Variants in USH1C observed in about 807,000 individuals in gnomAD.
USH1C encodes USH1 protein network component harmonin, also known as harmonin.
Under a neutral mutation model 119.3 loss-of-function variants are expected in USH1C, and 90 were observed. The ratio of observed to expected loss-of-function variants is 0.75; its 90% CI spans 0.64 to 0.90. The LOEUF (loss-of-function observed/expected upper bound fraction) is 0.90, where lower values mean the gene tolerates loss of function less well. USH1C is among the 40% of genes least tolerant of loss of function. The pLI is 0.00. For synonymous variants in USH1C, 465 were observed against 443.3 expected, an observed-to-expected ratio of 1.05 and a Z score of -0.62; for missense variants, 1,165 against 1,167.7, an observed-to-expected ratio of 1.00 and a Z score of 0.03.
intron 1 of USH1C, among the ~76,000 whole-genome samples, chr11:17,537,375 C>A (rs1211205841): frequency 6.6e-6 from 1 of 152,178 alleles, no homozygotes; most frequent in Admixed American, 6.5e-5. Context: ...CTCCTTTCTT[C>A]CCTTCCTTCC....
chr11:17,505,192 A>G (rs898481736), intron 19 of USH1C, among the ~76,000 whole-genome samples: 1 of 152,208 alleles, frequency 6.6e-6, no homozygotes, highest in Non-Finnish European at 1.5e-5. Flanking sequence ...CCAGGACCAC[A>G]CCTCAGACTT....
chr11:17,544,162 C>A, intron 1 of USH1C, 110 bp downstream of exon 1: 1 of 1,432,170 alleles, frequency 7.0e-7, no homozygotes, highest in Non-Finnish European at 9.8e-7. Context: ...CCAACCAGAG[C>A]CATCAGGTGG....
chr11:17,529,906 G>C (rs768531792), intron 4 of USH1C, among the ~76,000 whole-genome samples: 39 of 152,342 alleles, frequency 2.6e-4, no homozygotes, highest in Non-Finnish European at 4.4e-4. Flanking sequence ...TGTCCTAAGA[G>C]AGCTCGCCCT....
chr11:17,525,983 T>C (rs1850650436), intron 8 of USH1C, among the ~76,000 whole-genome samples: 2 of 152,170 alleles, frequency 1.3e-5, no homozygotes, highest in African/African-American at 4.8e-5. Flanking sequence ...GGAGGATCAC[T>C]TGAGCCCAGG....
At chr11:17,516,718 G>C in intron 14 of USH1C, 1 of 307,676 alleles carries the variant, frequency 3.3e-6, no homozygotes, top group East Asian at 8.0e-5. Context: ...ACAAAAGGGA[G>C]CCTGGGTGTC....
rs1456998238 is a variant in USH1C at position 17,498,156 on chromosome 11, T to G, written c.2490+6A>C. The G allele has an allele frequency of 5.6e-6, 9 of 1,613,644 alleles. No homozygotes were observed. The highest frequency in any genetic ancestry group is 6.8e-6 in the Non-Finnish European group (8 of 1,179,690). ...GGAGGAAAGGAGGGAGGGGCCTTAT[T>G]CTTACCCCGCCCTGATTCCAGGCCT... On this transcript the variant is annotated splice_donor_region_variant and intron_variant, in intron 24 of 26. Coordinates refer to ENST00000005226, the MANE Select transcript of USH1C (RefSeq NM_153676.4).
At chr11:17,523,027 T>C in intron 11 of USH1C, 101 bp from the exon 12 acceptor site, 1 of 1,590,670 alleles carries the variant, frequency 6.3e-7, no homozygotes, top group East Asian at 2.2e-5. Flanking sequence ...CTCAGCACCA[T>C]CAGGCACTGC....
chr11:17,516,235 TC>T lies in USH1C; in HGVS notation c.1260+5del. 1 of 1,613,740 alleles carries T rather than the reference TC, an allele frequency of 6.2e-7. No individual in the cohort carries two copies. The highest frequency in any genetic ancestry group is 8.5e-7 in the Non-Finnish European group (1 of 1,179,914). ...CACACCAGCACAGCACCCAACCCTGTCCTACCTTCCGGATGGTTGGGAATTT... is the reference window on the plus strand; with the variant it reads ...CACACCAGCACAGCACCCAACCCTGTCTACCTTCCGGATGGTTGGGAATTT... On this transcript the variant is annotated splice_donor_5th_base_variant and intron_variant, in intron 15 of 26. Transcript: ENST00000005226.
intron 1 of USH1C, among the ~76,000 whole-genome samples, chr11:17,538,000 TG>T (rs111938463): frequency 0.024 from 3,654 of 152,312 alleles, 144 homozygotes; most frequent in African/African-American, 0.083. Flanking sequence ...ATAACTCCTT[TG>T]TTGTCCACTT....
At chr11:17,518,659 A>T (rs1219305903) in intron 14 of USH1C, among the ~76,000 whole-genome samples, 1 of 152,224 alleles carries the variant, frequency 6.6e-6, no homozygotes, top group Non-Finnish European at 1.5e-5. Flanking sequence ...AGTCCCAGGC[A>T]CATAATTAGG....
At chr11:17,495,526 C>A in intron 26 of USH1C, 43 bp downstream of exon 26, 1 of 1,588,576 alleles carries the variant, frequency 6.3e-7, no homozygotes, top group Non-Finnish European at 8.6e-7. Flanking sequence ...CCACTGCAAG[C>A]AGCAGGGACA....
Position 17,526,452 on chromosome 11 carries a change from G to A in USH1C, c.580-11C>T. ...GCTGCCTCGCACGCCCTGAAAGAGA[G>A]ATAGAAGCAGAATCACGGAGTGTCC... On this transcript the variant is annotated splice_polypyrimidine_tract_variant and intron_variant, in intron 7 of 26. Coordinates refer to ENST00000005226, the MANE Select transcript of USH1C (RefSeq NM_153676.4). The A allele has an allele frequency of 4.3e-6, 7 of 1,612,394 alleles. No homozygotes were observed. Among genetic ancestry groups the A allele is most frequent in the Non-Finnish European group, 5.9e-6 (7 of 1,178,782 alleles).
rs1344670523 is a variant in USH1C, at chr11:17,511,900, A to G, written c.1413+2T>C. On this transcript the variant is annotated splice_donor_variant, in intron 16 of 26. Transcript: ENST00000005226. LOFTEE classifies it high-confidence loss of function. ...TGCCTGGCCTGCAGGCAGGACACATACCTCCTGGGCCAGCCGGTTGATCTT... is the reference window on the plus strand; with the variant it reads ...TGCCTGGCCTGCAGGCAGGACACATGCCTCCTGGGCCAGCCGGTTGATCTT... The G allele has an allele frequency of 6.2e-7, 1 of 1,612,610 alleles. No homozygotes were observed. Among genetic ancestry groups the G allele is most frequent in the Non-Finnish European group, 8.5e-7 (1 of 1,179,532 alleles).
At chr11:17,517,607 G>T in intron 14 of USH1C, 1 of 866,810 alleles carries the variant, frequency 1.2e-6, no homozygotes, top group Non-Finnish European at 1.9e-6. Flanking sequence ...CAGGGGCAGG[G>T]GACAGAGTTC....
intron 11 of USH1C, 29 bp downstream of exon 11, chr11:17,523,182 G>C (rs377169860): frequency 6.2e-7 from 1 of 1,613,858 alleles, no homozygotes; most frequent in Non-Finnish European, 8.5e-7. Context: ...GAAGGTCAAG[G>C]GGCTCCCACC....
chr11:17,543,424 CA>C (rs1851557969), intron 1 of USH1C, among the ~76,000 whole-genome samples: 1 of 149,534 alleles, frequency 6.7e-6, no homozygotes, highest in East Asian at 2.0e-4. Context: ...CCACCCCCCC[CA>C]AGCGGCTTCA....
At chr11:17,495,825 T>C in intron 25 of USH1C, 148 bp from the exon 26 acceptor site, 1 of 795,858 alleles carries the variant, frequency 1.3e-6, no homozygotes, top group South Asian at 1.6e-5. Context: ...GACCCTGGTT[T>C]CTCCAAGACA....
chr11:17,516,155 G>A, intron 15 of USH1C, 86 bp downstream of exon 15: 6 of 1,449,452 alleles, frequency 4.1e-6, no homozygotes, highest in Non-Finnish European at 5.8e-6. Flanking sequence ...ACCATTTAGT[G>A]TTGATAGGAC....
At chr11:17,518,159 C>T (rs1850241260) in intron 14 of USH1C, among the ~76,000 whole-genome samples, 1 of 152,228 alleles carries the variant, frequency 6.6e-6, no homozygotes, top group African/African-American at 2.4e-5. Flanking sequence ...AGAACTTGCC[C>T]ATTGGCCTAT....
Sources: allele counts gnomAD v4.1 joint callset (sites outside exome capture counted in the v4.1 genomes callset), GRCh38; gene constraint gnomAD v4.1.1; transcripts MANE v1.5; gene names NCBI Gene and HGNC (gene_info 2026-07-23, HGNC 2026-07-21).